The following PNKD variants were observed in gnomAD, a reference collection of about 807,000 sequenced individuals.
The protein encoded by PNKD is PNKD metallo-beta-lactamase domain containing.
Under a neutral mutation model 45.3 loss-of-function variants are expected in PNKD, and 36 were observed. The ratio of observed to expected loss-of-function variants is 0.80; its 90% CI spans 0.61 to 1.05. The LOEUF is 1.05. Among genes scored for constraint, PNKD ranks in the 50% least tolerant of loss-of-function variants. PNKD has a pLI of 0.00. For missense variants in PNKD, 511 were observed against 506.6 expected (o/e 1.01, Z -0.08); for synonymous variants, 197 against 210.1 (o/e 0.94, Z 0.54).
intron 2 of PNKD, among the ~76,000 whole-genome samples, chr2:218,304,838 G>C (rs1343359119): frequency 6.6e-6 from 1 of 152,124 alleles, no homozygotes; most frequent in African/African-American, 2.4e-5. Flanking sequence ...ACTTTGGGAG[G>C]CTGAGGTGGG....
chr2:218,277,563 G>A (rs1691351978), intron 2 of PNKD: 3 of 1,609,488 alleles, frequency 1.9e-6, no homozygotes. Flanking sequence ...GCAGCTGGCT[G>A]CCGGCCCAGG....
chr2:218,323,322 CTCCTCGTCCTTG>C (rs1559525190), intron 2 of PNKD: 12 of 1,569,142 alleles, frequency 7.6e-6, no homozygotes, highest in Non-Finnish European at 3.4e-6. Context: ...CTGCTGGCTC[CTCCTCGTCCTTG>C]TCCTCGTCCT....
At chr2:218,275,897 A>G in intron 2 of PNKD, 1 of 1,134,644 alleles carries the variant, frequency 8.8e-7, no homozygotes, top group Non-Finnish European at 1.3e-6. Context: ...ATCTCTGGAC[A>G]GTAGTGAGAG....
chr2:218,315,020 C>CTT (rs1467325817), intron 2 of PNKD, among the ~76,000 whole-genome samples: 5 of 1,928 alleles, frequency 2.6e-3, no homozygotes, highest in Non-Finnish European at 8.5e-3. Context: ...CTTTTTCTTT[C>CTT]TTTCTTTCTT....
At chr2:218,282,601 A>G (rs1434389861) in intron 2 of PNKD, among the ~76,000 whole-genome samples, 1 of 152,222 alleles carries the variant, frequency 6.6e-6, no homozygotes, top group African/African-American at 2.4e-5. Context: ...GGACCCTCTG[A>G]AAGGGTCAGC....
At chr2:218,323,266 G>C in intron 2 of PNKD, 1 of 1,518,674 alleles carries the variant, frequency 6.6e-7, no homozygotes, top group Non-Finnish European at 8.8e-7. Flanking sequence ...CCTGCCCCCA[G>C]CATGGCTTGG....
Position 218,344,896 on chromosome 2 carries a change from C to T in PNKD, c.1073C>T (p.Pro358Leu), listed in dbSNP as rs1161443837. 8 of 1,613,838 alleles carry T rather than the reference C, an allele frequency of 5.0e-6. No homozygotes were observed. Among genetic ancestry groups the T allele is most frequent in the South Asian group, 1.1e-5 (1 of 91,088 alleles). ...LALQEALGPGPGPTGDDDYSR... is the reference protein window; with the variant it reads ...LALQEALGPGLGPTGDDDYSR... ...CTACAGGAGGCTCTGGGGCCGGGGC[C>T]GGGCCCCACTGGGGATGATGACTAC... The change falls in exon 10 of 10, where the codon CCG becomes CTG. Residue 358 changes from proline (P) to leucine (L), a missense_variant. Pro to Leu is a moderately conservative substitution (Grantham distance 98, BLOSUM62 -3). Coordinates refer to ENST00000273077, the MANE Select transcript of PNKD (RefSeq NM_015488.5).
chr2:218,292,679 A>G (rs1456771203), intron 2 of PNKD: 1 of 152,138 alleles, frequency 6.6e-6, no homozygotes, highest in Non-Finnish European at 1.5e-5. Flanking sequence ...ACACAGGGGT[A>G]TTTTCGGATT....
chr2:218,285,045 G>A (rs1194706242), intron 2 of PNKD, among the ~76,000 whole-genome samples: 3 of 152,310 alleles, frequency 2.0e-5, no homozygotes, highest in South Asian at 2.1e-4. Context: ...AGCCACAATC[G>A]TGCCACTGCA....
intron 2 of PNKD, among the ~76,000 whole-genome samples, chr2:218,310,672 AC>A (rs1693586824): frequency 6.9e-6 from 1 of 144,330 alleles, no homozygotes; most frequent in Admixed American, 7.1e-5. Context: ...GCTCACTGCA[AC>A]CTCCGCCTCC....
chr2:218,323,784 C>G (rs1012631959), intron 2 of PNKD, among the ~76,000 whole-genome samples: 3 of 150,922 alleles, frequency 2.0e-5, no homozygotes, highest in African/African-American at 7.3e-5. Flanking sequence ...AAGACCGTCC[C>G]TGTCCGGGGG....
intron 2 of PNKD, among the ~76,000 whole-genome samples, chr2:218,325,471 G>T (rs1249339004): frequency 6.6e-6 from 1 of 152,118 alleles, no homozygotes; most frequent in African/African-American, 2.4e-5. Context: ...CTCCCAAAGT[G>T]CTGGGATTAC....
chr2:218,315,120 C>T lies in PNKD; in HGVS notation c.237-24663C>T, dbSNP rs13028111. On this transcript the variant is annotated intron_variant, in intron 2 of 9. Transcript: ENST00000273077. ...TCCTTCCTTCCTTCCTTCCTTCCTT[C>T]CTTTCTTTCTTTCTTTCTTTCTTTC... Among the ~76,000 whole-genome samples, 456 of 47,132 alleles carry T rather than the reference C, an allele frequency of 9.7e-3. 3 individuals are homozygous for T. The East Asian group carries it at 0.1, about 11-fold the overall frequency. 30.9% of individuals were successfully genotyped at this position (47,132 alleles called of 152,430 possible).
At chr2:218,278,940 A>G in intron 2 of PNKD, 1 of 1,463,268 alleles carries the variant, frequency 6.8e-7, no homozygotes, top group Non-Finnish European at 9.4e-7. Flanking sequence ...GGCCCTCTCA[A>G]AAAGCATTTT....
chr2:218,329,772 T>G (rs1419495759), intron 2 of PNKD, among the ~76,000 whole-genome samples: 2 of 152,264 alleles, frequency 1.3e-5, no homozygotes, highest in Non-Finnish European at 2.9e-5. Flanking sequence ...TTAGCTGTTT[T>G]GTTATCTTCT....
At chr2:218,334,680 A>G (rs1344570934) in intron 2 of PNKD, 1 of 701,836 alleles carries the variant, frequency 1.4e-6, no homozygotes, top group Non-Finnish European at 2.6e-6. Flanking sequence ...CATTTTTGGC[A>G]CAAATACCAC....
intron 2 of PNKD, among the ~76,000 whole-genome samples, chr2:218,331,706 G>A (rs1340587562): frequency 6.6e-6 from 1 of 152,152 alleles, no homozygotes; most frequent in East Asian, 1.9e-4. Flanking sequence ...GACCTCAGGT[G>A]ATCCATCCAC....
At chr2:218,315,120 C>CCTTT (rs1244999801) in intron 2 of PNKD, among the ~76,000 whole-genome samples, 14 of 47,170 alleles carry the variant, frequency 3.0e-4, no homozygotes, top group Admixed American at 6.4e-4. Context: ...TTCCTTCCTT[C>CCTTT]CTTTCTTTCT....
chr2:218,272,493 C>T, intron 2 of PNKD: 3 of 1,360,216 alleles, frequency 2.2e-6, no homozygotes, highest in Admixed American at 3.4e-5. Context: ...ACTGATGAAG[C>T]TAGAATGACT....
Sources: gnomAD v4.1 joint callset for allele counts (sites outside exome capture counted in the v4.1 genomes callset) on GRCh38, gnomAD v4.1.1 for gene constraint, MANE v1.5 for transcripts, NCBI Gene and HGNC (gene_info 2026-07-23, HGNC 2026-07-21) for gene names.